Variants in PPP6R2 observed in about 807,000 individuals in gnomAD.
PPP6R2 encodes protein phosphatase 6 regulatory subunit 2, also known as serine/threonine-protein phosphatase 6 regulatory subunit 2.
A neutral mutation model predicts 100.2 loss-of-function variants in PPP6R2; 62 were observed. The observed-to-expected ratio is 0.62, with a 90% CI of 0.50 to 0.76. The LOEUF is 0.76. Among genes scored for constraint, PPP6R2 ranks in the 30% least tolerant of loss-of-function variants. The pLI, the probability that PPP6R2 is intolerant of heterozygous loss-of-function variation, is 0.00. For missense variants in PPP6R2, 1,142 were observed against 1,276.3 expected, an observed-to-expected ratio of 0.89 and a Z score of 1.60; for synonymous variants, 525 against 514.7, an observed-to-expected ratio of 1.02 and a Z score of -0.27.
chr22:50,407,985 G>A (rs994672195), intron 4 of PPP6R2, among the ~76,000 whole-genome samples: 6 of 152,226 alleles, frequency 3.9e-5, no homozygotes, highest in Non-Finnish European at 7.3e-5. Context: ...TCAAGCTCAG[G>A]TGATCCTCCC....
At chr22:50,349,657 C>T (rs1338732969) in intron 1 of PPP6R2, among the ~76,000 whole-genome samples, 1 of 151,874 alleles carries the variant, frequency 6.6e-6, no homozygotes, top group Non-Finnish European at 1.5e-5. Flanking sequence ...GAAACCCCGT[C>T]TTTACTAAAA....
chr22:50,388,587 A>T (rs2054753161), intron 2 of PPP6R2, among the ~76,000 whole-genome samples: 1 of 152,054 alleles, frequency 6.6e-6, no homozygotes, highest in South Asian at 2.1e-4. Flanking sequence ...AAATTTTTTA[A>T]AAAGGGCCAG....
intron 5 of PPP6R2, 68 bp downstream of exon 5, chr22:50,414,757 A>G: frequency 6.5e-7 from 1 of 1,549,648 alleles, no homozygotes; most frequent in East Asian, 2.3e-5. Context: ...GGTTAAGTGC[A>G]GGAGCTCAGA....
In PPP6R2 at chr22:50,437,479, GTCCC is replaced by G. The variant is rs369985953; in HGVS notation, c.1684-6_1684-3del. ...CCTCCTCCATGACCGGTGTCTGTCC[GTCCC>G]TCCCTCCCTCCCTCCCTCCCAGGCC... On this transcript the variant is annotated intron_variant, in intron 15 of 23. Coordinates refer to ENST00000612753, the MANE Select transcript of PPP6R2 (RefSeq NM_001242898.2). The G allele has an allele frequency of 3.4e-3, 2,610 of 768,530 alleles. 38 individuals are homozygous for G. In the African/African-American group the frequency reaches 0.037, roughly 11 times the overall value. The allele number at this position is 768,530 out of a possible 1,614,324, so 47.6% of individuals were successfully genotyped here.
chr22:50,438,345 G>A, intron 18 of PPP6R2, 47 bp downstream of exon 18: 1 of 1,585,606 alleles, frequency 6.3e-7, no homozygotes. Context: ...AGGAGGTTCA[G>A]CCCCCAGAAC....
chr22:50,438,110 G>A, intron 17 of PPP6R2, 64 bp from the exon 18 acceptor site: 1 of 1,566,272 alleles, frequency 6.4e-7, no homozygotes, highest in Non-Finnish European at 8.6e-7. Flanking sequence ...GGAGCTCTAT[G>A]GGGAGAGCGG....
intron 4 of PPP6R2, among the ~76,000 whole-genome samples, chr22:50,407,942 G>C (rs1461276892): frequency 6.6e-6 from 1 of 152,130 alleles, no homozygotes; most frequent in Non-Finnish European, 1.5e-5. Flanking sequence ...GAGTCCACTG[G>C]CTCCAACACA....
At chr22:50,355,288 A>C (rs1216941262) in intron 1 of PPP6R2, among the ~76,000 whole-genome samples, 2 of 137,334 alleles carry the variant, frequency 1.5e-5, no homozygotes, top group South Asian at 4.5e-4. Flanking sequence ...CCTAGGCTGG[A>C]GTGCAGCGGC....
In PPP6R2 at chr22:50,444,203, A is replaced by G. The variant is rs1173242280; in HGVS notation, c.2836A>G (p.Thr946Ala). The G allele has an allele frequency of 9.3e-6, 15 of 1,612,842 alleles. No homozygotes were observed. Among genetic ancestry groups the G allele is most frequent in the Non-Finnish European group, 1.1e-5 (13 of 1,179,812 alleles). Reference sequence around the variant, plus strand: ...AACCCCACCCCATTCCTGCAGGAAGACAGATGCCCCGCCAGAAGGAGCTGC... The same window carrying G: ...AACCCCACCCCATTCCTGCAGGAAGGCAGATGCCCCGCCAGAAGGAGCTGC... ...TLGTVTKDGK[T>A]DAPPEGAALN... The change falls in exon 24 of 24, where the codon ACA becomes GCA. Residue 946 changes from threonine (T) to alanine (A), a missense_variant. Thr to Ala is a moderately conservative substitution (Grantham distance 58). This residue lies in a region of PPP6R2 where 550 missense variants were observed against 517.4 expected (regional missense o/e 1.06). Transcript: ENST00000612753.
At position 50,406,729 on chromosome 22, in the gene PPP6R2, C is replaced by T; in HGVS notation, c.268C>T (p.Pro90Ser). The T allele has an allele frequency of 6.2e-7, 1 of 1,613,986 alleles. No individual in the cohort carries two copies. The highest frequency in any genetic ancestry group is 8.5e-7 in the Non-Finnish European group (1 of 1,180,006). ...CTGTGAGCTTCTGACTTGTGATGTG[C>T]CGCAGATCAGCGACCGCCTCGGTGG... is the stretch of plus-strand genomic sequence containing the variant. ...TACELLTCDV[P>S]QISDRLGGDE... The change falls in exon 4 of 24, where the codon CCG becomes TCG. Residue 90 changes from proline to serine, a missense_variant. By Grantham distance (74) the Pro-to-Ser change is moderately conservative. This residue lies in a region of PPP6R2 where 592 missense variants were observed against 758.9 expected (regional missense o/e 0.78). Coordinates refer to ENST00000612753, the MANE Select transcript of PPP6R2 (RefSeq NM_001242898.2).
the PPP6R2 span, among the ~76,000 whole-genome samples, chr22:50,335,412 C>A: frequency 6.6e-6 from 1 of 150,928 alleles, no homozygotes; most frequent in Non-Finnish European, 1.5e-5. Context: ...ATTGGCCAGA[C>A]TGGTCTCAAA....
intron 6 of PPP6R2, among the ~76,000 whole-genome samples, chr22:50,418,462 T>C (rs1266549499): frequency 2.0e-5 from 3 of 151,960 alleles, no homozygotes; most frequent in Non-Finnish European, 4.4e-5. Flanking sequence ...CTTGGCTCAC[T>C]GCAAGCTCCT....
intron 1 of PPP6R2, among the ~76,000 whole-genome samples, chr22:50,365,471 G>T (rs2048571486): frequency 6.6e-6 from 1 of 151,984 alleles, no homozygotes; most frequent in Admixed American, 6.5e-5. Flanking sequence ...GAGGTCAGGA[G>T]ATCGAGACCA....
chr22:50,333,514 T>C, the PPP6R2 span, among the ~76,000 whole-genome samples: 12 of 152,230 alleles, frequency 7.9e-5, no homozygotes, highest in South Asian at 2.3e-3. Flanking sequence ...TTTTTGTTTT[T>C]AGTAGAAACA....
In PPP6R2 at chr22:50,375,935, G is replaced by T. The variant is rs566970776; in HGVS notation, c.-17+3785G>T. On this transcript the variant is annotated intron_variant, in intron 2 of 23. Transcript: ENST00000612753. ...GGTTCACTGCAACCTCTGCCTCCCA[G>T]GTTGAAGCGATTCTCCTACCTCAGC... is the stretch of plus-strand genomic sequence containing the variant. Among the ~76,000 whole-genome samples, 10 of 144,306 alleles carry T rather than the reference G, an allele frequency of 6.9e-5. 1 individual carries two copies. In the South Asian group the frequency reaches 2.2e-3, roughly 32 times the overall value. 94.7% of individuals were successfully genotyped at this position (144,306 alleles called of 152,430 possible).
At position 50,391,678 on chromosome 22, in the gene PPP6R2, T is replaced by A. The variant is rs147304586; in HGVS notation, c.-16-2215T>A. 2.8e-3 allele frequency among the ~76,000 whole-genome samples: 425 copies of A among 151,002 alleles called. 1 individual carries two copies. Among genetic ancestry groups the A allele is most frequent in the African/African-American group, 9.4e-3 (390 of 41,364 alleles). ...CATTTAATGCATTTATTGAAATGGT[T>A]GAATTTATGTCTGGTATCTTGCTGT... On this transcript the variant is annotated intron_variant, in intron 2 of 23. Transcript: ENST00000612753.
chr22:50,393,462 G>T, intron 2 of PPP6R2: 1 of 985,120 alleles, frequency 1.0e-6, no homozygotes, highest in Non-Finnish European at 1.2e-6. Flanking sequence ...GAGACACCTG[G>T]GCGCATTCGC....
intron 18 of PPP6R2, 146 bp downstream of exon 18, chr22:50,438,444 C>T: frequency 6.9e-7 from 1 of 1,444,566 alleles, no homozygotes; most frequent in East Asian, 2.3e-5. Flanking sequence ...AGCGGGTGAC[C>T]CTAAGGAGCC....
chr22:50,420,564 T>C (rs979171092), intron 8 of PPP6R2, among the ~76,000 whole-genome samples: 2 of 152,180 alleles, frequency 1.3e-5, no homozygotes, highest in Non-Finnish European at 2.9e-5. Context: ...CTCTGGATCA[T>C]AGTGTGGCCT....
Sources: allele counts gnomAD v4.1 joint callset (sites outside exome capture counted in the v4.1 genomes callset), GRCh38; gene constraint gnomAD v4.1.1; regional missense constraint gnomAD v4.1.1; transcripts MANE v1.5; gene names NCBI Gene and HGNC (gene_info 2026-07-23, HGNC 2026-07-21).